REG4: variants seen among roughly 807,000 people sequenced by gnomAD.
REG4 encodes regenerating islet-derived protein 4.
REG4 carries 16 observed loss-of-function variants against 22.3 expected under a neutral mutation model. The observed-to-expected ratio is 0.72, with a 90% CI of 0.49 to 1.09. The LOEUF is 1.09. REG4 is among the 50% of genes least tolerant of loss of function. REG4 has a pLI of 0.00. For synonymous variants in REG4, 71 were observed against 69.2 expected, an observed-to-expected ratio of 1.03 and a Z score of -0.13; for missense variants, 214 against 193.9, an observed-to-expected ratio of 1.10 and a Z score of -0.61.
At chr1:119,795,357 A>G (rs1653905329) in intron 5 of REG4, among the ~76,000 whole-genome samples, 1 of 152,192 alleles carries the variant, frequency 6.6e-6, no homozygotes, top group African/African-American at 2.4e-5. Flanking sequence ...CCTCAAGCCC[A>G]CAGCTGAGGC....
At chr1:119,811,148 T>C (rs763180877) in intron 1 of REG4, among the ~76,000 whole-genome samples, 28 of 152,364 alleles carry the variant, frequency 1.8e-4, no homozygotes, top group Admixed American at 3.9e-4. Context: ...CTGACACTTA[T>C]GATTGAGTAA....
chr1:119,802,259 G>T, intron 3 of REG4: 1 of 866,194 alleles, frequency 1.2e-6, no homozygotes, highest in Non-Finnish European at 1.4e-6. Flanking sequence ...ATGCTGTATG[G>T]AAATGTTCTG....
rs752087560 is a variant in REG4, at chr1:119,798,509, T to A, written c.397A>T (p.Ser133Cys). ...CATTATAACTTACTGTTATTGGAGC[T>A]CATCTCAGCACAGTGCTTGTTCCCA... ...MGGNKHCAEM[S>C]SNNNFLTWSS... The change falls in exon 5 of 6, where the codon AGC becomes TGC. Residue 133 changes from serine (S) to cysteine (C), a missense_variant. Coordinates refer to ENST00000256585, the MANE Select transcript of REG4 (RefSeq NM_032044.4). 22 of 1,613,300 alleles carry A rather than the reference T, an allele frequency of 1.4e-5. No homozygotes were observed. The highest frequency in any genetic ancestry group is 1.6e-4 in the Middle Eastern group (1 of 6,082).
intron 2 of REG4, among the ~76,000 whole-genome samples, chr1:119,807,491 T>G (rs970398474): frequency 6.6e-6 from 1 of 152,284 alleles, no homozygotes; most frequent in South Asian, 2.1e-4. Context: ...GGATATAGCT[T>G]GGGCAAATTT....
At chr1:119,802,599 G>C in intron 3 of REG4, 1 of 1,321,772 alleles carries the variant, frequency 7.6e-7, no homozygotes, top group Non-Finnish European at 9.6e-7. Context: ...TTTGTGGACT[G>C]TGTAGAGCAG....
At chr1:119,807,110 C>T (rs1429385224) in intron 2 of REG4, among the ~76,000 whole-genome samples, 1 of 152,206 alleles carries the variant, frequency 6.6e-6, no homozygotes, top group Non-Finnish European at 1.5e-5. Context: ...TGTCTCTCCA[C>T]TCACTGAATC....
At chr1:119,803,266 T>G in intron 2 of REG4, 101 bp from the exon 3 acceptor site, 93 of 1,214,072 alleles carry the variant, frequency 7.7e-5, no homozygotes, top group Middle Eastern at 2.0e-4. Flanking sequence ...ATGAAGAGAG[T>G]CCCTTCATGA....
At chr1:119,798,777 A>G (rs17024274) in intron 4 of REG4, among the ~76,000 whole-genome samples, 175 bp from the exon 5 acceptor site, 3,895 of 152,342 alleles carry the variant, frequency 0.026, 183 homozygotes, top group African/African-American at 0.089. Context: ...ATAGGAAAAC[A>G]TTACCAATAT....
chr1:119,797,735 C>G (rs1653974830), intron 5 of REG4, among the ~76,000 whole-genome samples: 1 of 152,204 alleles, frequency 6.6e-6, no homozygotes, highest in South Asian at 2.1e-4. Context: ...AATTTGCCCC[C>G]CACAGGAAAC....
chr1:119,798,685 A>G, intron 4 of REG4, 83 bp from the exon 5 acceptor site: 5 of 966,754 alleles, frequency 5.2e-6, no homozygotes, highest in South Asian at 3.2e-5. Context: ...CCCCTTTAAA[A>G]CATGGTTTTC....
chr1:119,802,333 T>G, intron 3 of REG4: 2 of 985,784 alleles, frequency 2.0e-6, no homozygotes, highest in Non-Finnish European at 2.4e-6. Context: ...CTTCATAGCC[T>G]CAGTAGCTGG....
intron 1 of REG4, chr1:119,809,252 T>C (rs1654426417): frequency 6.5e-6 from 1 of 153,122 alleles, no homozygotes; most frequent in African/African-American, 2.4e-5. Context: ...AATTTTTAAA[T>C]GTTAAAATTA....
intron 3 of REG4, 43 bp downstream of exon 3, chr1:119,803,025 T>C (rs758553145): frequency 1.9e-6 from 3 of 1,612,010 alleles, no homozygotes; most frequent in Non-Finnish European, 2.5e-6. Flanking sequence ...GGCTGGTCCT[T>C]TGCTCTAGAA....
chr1:119,798,726 T>A, intron 4 of REG4, 124 bp from the exon 5 acceptor site: 4 of 629,986 alleles, frequency 6.3e-6, no homozygotes, highest in Admixed American at 5.2e-5. Context: ...ACAGAAATGC[T>A]TAAAGAAGGA....
intron 5 of REG4, among the ~76,000 whole-genome samples, chr1:119,797,332 A>G (rs1427957253): frequency 6.6e-6 from 1 of 152,084 alleles, no homozygotes; most frequent in African/African-American, 2.4e-5. Context: ...GTCTGTGAAA[A>G]TCCCCTCTAT....
chr1:119,806,035 G>T (rs1050712625), intron 2 of REG4, among the ~76,000 whole-genome samples: 7 of 152,188 alleles, frequency 4.6e-5, no homozygotes, highest in African/African-American at 1.7e-4. Context: ...GGGCTCAGGT[G>T]ATCCTCCCAC....
chr1:119,796,063 C>A (rs937763131), intron 5 of REG4, among the ~76,000 whole-genome samples: 1 of 152,200 alleles, frequency 6.6e-6, no homozygotes, highest in Non-Finnish European at 1.5e-5. Flanking sequence ...CCCTTTTCTC[C>A]AGGCCACGGA....
chr1:119,811,247 G>A (rs1181378684), intron 1 of REG4, among the ~76,000 whole-genome samples, 162 bp downstream of exon 1: 8 of 152,132 alleles, frequency 5.3e-5, no homozygotes, highest in Admixed American at 3.9e-4. Flanking sequence ...TGCAGTGAAG[G>A]AAGAAAAGAA....
At chr1:119,796,030 G>A (rs1365537339) in intron 5 of REG4, among the ~76,000 whole-genome samples, 2 of 152,232 alleles carry the variant, frequency 1.3e-5, no homozygotes, top group South Asian at 2.1e-4. Context: ...GTGCAGGGAA[G>A]GGTGACTGAG....
Sources: allele counts gnomAD v4.1 joint callset (sites outside exome capture counted in the v4.1 genomes callset), GRCh38; gene constraint gnomAD v4.1.1; transcripts MANE v1.5; gene names NCBI Gene and HGNC (gene_info 2026-07-23, HGNC 2026-07-21).